ATP9A: variants seen among roughly 807,000 people sequenced by gnomAD.
ATP9A encodes probable phospholipid-transporting ATPase IIA.
Under a neutral mutation model 144.1 loss-of-function variants are expected in ATP9A, and 52 were observed. The ratio of observed to expected loss-of-function variants is 0.36; its 90% confidence interval spans 0.29 to 0.45. The LOEUF (loss-of-function observed/expected upper bound fraction) is 0.45, where lower values mean the gene tolerates loss of function less well. Ranked by LOEUF, ATP9A falls within the 20% of genes least tolerant of loss-of-function variation. The probability of loss-of-function intolerance (pLI) is 1.00; values close to 1 mark genes in which losing one functional copy is unlikely to be tolerated. For missense variants in ATP9A, 947 were observed against 1,392.7 expected (o/e 0.68, Z 5.09); for synonymous variants, 582 against 557.4 (o/e 1.04, Z -0.62).
In ATP9A at chr20:51,729,937, C is replaced by A; in HGVS notation, c.110G>T (p.Arg37Met). 6.3e-7 allele frequency: 1 copy of A among 1,583,022 alleles called. No homozygotes were observed. Among genetic ancestry groups the A allele is most frequent in the Non-Finnish European group, 8.6e-7 (1 of 1,169,380 alleles). Residue 37 changes from arginine to methionine, a missense_variant, in exon 2 of 28, where the codon AGG (arginine) becomes ATG (methionine). Physicochemically the swap from Arg to Met is moderately conservative, Grantham distance 91. This residue lies in a region of ATP9A where 770 missense variants were observed against 1,047.9 expected (regional missense o/e 0.73). Transcript: ENST00000338821. The stretch of plus-strand genomic sequence containing the variant: ...GTGCCCCAGCCAGACAGTGCGGGGC[C>A]TGGCCTCCCCTCCACCGCAGCATCT... The part of the protein sequence containing the change: ...WLRCCGGGEA[R>M]PRTVWLGHPE...
chr20:51,725,978 G>T, intron 2 of ATP9A, 46 bp from the exon 3 acceptor site: 1 of 1,121,368 alleles, frequency 8.9e-7, no homozygotes, highest in Non-Finnish European at 1.4e-6. Flanking sequence ...GGGCTTGTCT[G>T]ATGAGATCTG....
intron 15 of ATP9A, among the ~76,000 whole-genome samples, chr20:51,638,115 A>ATC (rs2077302539): frequency 1.0e-5 from 1 of 98,316 alleles, no homozygotes; most frequent in African/African-American, 4.3e-5. Flanking sequence ...ATATATATAT[A>ATC]TATATATATC....
chr20:51,670,964 C>G (rs1186149697), intron 12 of ATP9A, 151 bp downstream of exon 12: 1 of 936,648 alleles, frequency 1.1e-6, no homozygotes, highest in Non-Finnish European at 1.6e-6. Flanking sequence ...TCATCTTCAT[C>G]ACCAAAGAAT....
rs1486465005 is a variant in ATP9A, at chr20:51,611,498, A to G, written c.2572-1333T>C. On this transcript the variant is annotated intron_variant, in intron 23 of 27. Coordinates refer to ENST00000338821, the MANE Select transcript of ATP9A (RefSeq NM_006045.3). The surrounding 1 kb of genome is among the most constrained non-coding windows in gnomAD (Gnocchi z 4.2). ...AGAGCACTTTGGGAAAAATAAAAAC[A>G]CTGTGTTCTCTGACAGACTCATGTC... Among the ~76,000 whole-genome samples, 1 of 152,244 alleles carries G rather than the reference A, an allele frequency of 6.6e-6. No homozygotes were observed. Among genetic ancestry groups the G allele is most frequent in the African/African-American group, 2.4e-5 (1 of 41,462 alleles).
At chr20:51,679,917 T>C (rs1003739922) in intron 9 of ATP9A, among the ~76,000 whole-genome samples, 17 of 152,254 alleles carry the variant, frequency 1.1e-4, no homozygotes, top group East Asian at 9.7e-4. Flanking sequence ...AAATGGGGTA[T>C]AGACCATGGA....
Position 51,766,613 on chromosome 20 carries a change from G to T in ATP9A, c.68+1689C>A, listed in dbSNP as rs558906547. On this transcript the variant is annotated intron_variant, in intron 1 of 27. Transcript: ENST00000338821. ...TCCCAGCACTTTGGAAGGCCGAGGT[G>T]GGTGGATCACGAGGTCAGGAGTTCA... Among the ~76,000 whole-genome samples, 5 of 152,186 alleles carry T rather than the reference G, an allele frequency of 3.3e-5. No individual in the cohort carries two copies. In the South Asian group the frequency reaches 1.0e-3, roughly 32 times the overall value.
At position 51,626,914 on chromosome 20, in the gene ATP9A, G is replaced by A. The variant is rs139327102; in HGVS notation, c.1845+686C>T. ...TCTATTAAAAATACAAAAATTAGCCGGGCATGGTGACGGGCAACTGTAATC... is the reference window on the plus strand; with the variant it reads ...TCTATTAAAAATACAAAAATTAGCCAGGCATGGTGACGGGCAACTGTAATC... On this transcript the variant is annotated intron_variant, in intron 17 of 27. Coordinates refer to ENST00000338821, the MANE Select transcript of ATP9A (RefSeq NM_006045.3). Among the ~76,000 whole-genome samples the A allele has an allele frequency of 1.9e-3, 283 of 151,958 alleles. 4 individuals are homozygous for A. The highest frequency in any genetic ancestry group is 6.3e-3 in the African/African-American group (261 of 41,448).
intron 1 of ATP9A, among the ~76,000 whole-genome samples, chr20:51,735,522 G>T (rs1007265971): frequency 6.6e-6 from 1 of 152,116 alleles, no homozygotes; most frequent in Non-Finnish European, 1.5e-5. Flanking sequence ...TTTATTAAGC[G>T]CTTACCCGGT....
At chr20:51,695,704 C>G (rs1484460340) in intron 6 of ATP9A, among the ~76,000 whole-genome samples, 1 of 152,142 alleles carries the variant, frequency 6.6e-6, no homozygotes, top group Admixed American at 6.5e-5. Context: ...TTCTGTACTG[C>G]CCCCATCATG....
At chr20:51,649,943 T>C (rs188823904) in intron 14 of ATP9A, among the ~76,000 whole-genome samples, 110 of 149,602 alleles carry the variant, frequency 7.4e-4, no homozygotes, top group Non-Finnish European at 1.1e-3. Context: ...ACACAGCTGA[T>C]TGAATTGAAA....
chr20:51,700,330 A>G (rs927622336), intron 4 of ATP9A, among the ~76,000 whole-genome samples: 1 of 152,098 alleles, frequency 6.6e-6, no homozygotes, highest in East Asian at 1.9e-4. Flanking sequence ...AGACCAGCCT[A>G]GGCAACATAG....
chr20:51,625,331 T>C lies in ATP9A; in HGVS notation c.1877A>G (p.His626Arg). ...ARYVQAKLSV[H>R]DRSLKVATVI... Reference sequence around the variant, plus strand: ...CGTGGCCACTTTGAGGGAGCGGTCGTGCACACTCAGCTTGGCCTGGACGTA... The same window carrying C: ...CGTGGCCACTTTGAGGGAGCGGTCGCGCACACTCAGCTTGGCCTGGACGTA... Residue 626 changes from histidine to arginine, a missense_variant, in exon 18 of 28, where the codon CAC becomes CGC. By Grantham distance (29) the His-to-Arg change is conservative. Transcript: ENST00000338821. The C allele has an allele frequency of 6.2e-7, 1 of 1,614,136 alleles. No homozygotes were observed. Among genetic ancestry groups the C allele is most frequent in the African/African-American group, 1.3e-5 (1 of 75,044 alleles).
At chr20:51,685,200 A>G (rs915763504) in intron 9 of ATP9A, among the ~76,000 whole-genome samples, 1 of 152,186 alleles carries the variant, frequency 6.6e-6, no homozygotes, top group Non-Finnish European at 1.5e-5. Flanking sequence ...GTTTATCAGG[A>G]GCATGAAGAA....
chr20:51,618,574 A>G, intron 21 of ATP9A, 88 bp downstream of exon 21: 1 of 1,485,692 alleles, frequency 6.7e-7, no homozygotes. Context: ...ATTTGAAGAA[A>G]GAGCAGCAGT....
intron 7 of ATP9A, among the ~76,000 whole-genome samples, chr20:51,693,628 C>A (rs1245341140): frequency 6.6e-6 from 1 of 152,088 alleles, no homozygotes; most frequent in Non-Finnish European, 1.5e-5. Context: ...GCCTCGAACC[C>A]GCAGGCTTAA....
chr20:51,671,735 C>T (rs923289699), intron 11 of ATP9A, among the ~76,000 whole-genome samples: 2 of 152,104 alleles, frequency 1.3e-5, no homozygotes, highest in Admixed American at 1.3e-4. Flanking sequence ...ACGCCCCATC[C>T]CCCACCAACC....
At position 51,689,153 on chromosome 20, in the gene ATP9A, A is replaced by C. The variant is rs374051688; in HGVS notation, c.724-14T>G. The C allele has an allele frequency of 4.6e-5, 74 of 1,613,336 alleles. No homozygotes were observed. In the East Asian group the frequency reaches 1.0e-3, roughly 22 times the overall value. ...GTCGCTGTCTTCCTGGAAAAGACCA[A>C]ACGGACACACGTTCACCCCCCAAAG... On this transcript the variant is annotated splice_polypyrimidine_tract_variant and intron_variant, in intron 8 of 27. Coordinates refer to ENST00000338821, the MANE Select transcript of ATP9A (RefSeq NM_006045.3).
chr20:51,725,210 C>T (rs938760945), intron 3 of ATP9A, among the ~76,000 whole-genome samples: 4 of 152,154 alleles, frequency 2.6e-5, no homozygotes, highest in Non-Finnish European at 4.4e-5. Flanking sequence ...GCAACCTCTG[C>T]CTCTCAGGTT....
At chr20:51,659,960 T>G (rs1281321624) in intron 13 of ATP9A, among the ~76,000 whole-genome samples, 37 of 152,190 alleles carry the variant, frequency 2.4e-4, no homozygotes, top group Non-Finnish European at 2.2e-4. Flanking sequence ...GAATCAGAAC[T>G]CCGGTTTAAA....
Sources: allele counts gnomAD v4.1 joint callset (sites outside exome capture counted in the v4.1 genomes callset), GRCh38; gene constraint gnomAD v4.1.1; regional missense constraint gnomAD v4.1.1; non-coding constraint Gnocchi (gnomAD v3.1); transcripts MANE v1.5; gene names NCBI Gene and HGNC (gene_info 2026-07-23, HGNC 2026-07-21).